The following MTHFD1L variants were observed in gnomAD, a reference collection of about 807,000 sequenced individuals.
MTHFD1L encodes the protein methylenetetrahydrofolate dehydrogenase (NADP+ dependent) 1 like, also known as monofunctional C1-tetrahydrofolate synthase, mitochondrial.
Under a neutral mutation model 119.5 loss-of-function variants are expected in MTHFD1L, and 81 were observed. That is an observed-to-expected ratio of 0.68 (90% CI 0.57 to 0.82). MTHFD1L has a LOEUF of 0.82. Among genes scored for constraint, MTHFD1L ranks in the 40% least tolerant of loss-of-function variants. The probability of loss-of-function intolerance (pLI) is 0.00; values close to 1 mark genes in which losing one functional copy is unlikely to be tolerated. For missense variants in MTHFD1L, 1,125 were observed against 1,253.4 expected (o/e 0.90, Z 1.55); for synonymous variants, 430 against 475.2 (o/e 0.90, Z 1.24).
chr6:150,910,247 A>C (rs1786637220), intron 8 of MTHFD1L, among the ~76,000 whole-genome samples: 1 of 151,892 alleles, frequency 6.6e-6, no homozygotes, highest in South Asian at 2.1e-4. Context: ...ACCTAACTCA[A>C]GGACAAGGGA....
rs140112064 is a variant in MTHFD1L, at chr6:150,944,548, C to T, written c.1503C>T (p.Ala501=). The T allele has an allele frequency of 9.2e-4, 1,480 of 1,614,060 alleles. 10 individuals carry two copies. In the African/African-American group the frequency reaches 0.017, roughly 18 times the overall value. ...AITAANNLLA[A]AIDTRILHEN... ...CCGCTGCCAATAACTTGCTGGCTGC[C>T]GCCATCGACACGAGGATTCTTCATG... The change falls in exon 14 of 28, where the codon GCC becomes GCT. Residue 501 remains alanine, a synonymous_variant. Transcript: ENST00000367321.
chr6:150,939,449 T>C, intron 13 of MTHFD1L: 1 of 152,392 alleles, frequency 6.6e-6, no homozygotes, highest in Non-Finnish European at 1.5e-5. Context: ...TGCCTGTAAC[T>C]AACCAGTGAC....
At chr6:150,878,447 TCA>T (rs1780835897) in intron 4 of MTHFD1L, among the ~76,000 whole-genome samples, 1 of 152,168 alleles carries the variant, frequency 6.6e-6, no homozygotes, top group African/African-American at 2.4e-5. Flanking sequence ...AGATGGGGTT[TCA>T]CCATTTTGGC....
At chr6:151,045,253 C>CA (rs1787817107) in intron 26 of MTHFD1L, among the ~76,000 whole-genome samples, 1 of 152,152 alleles carries the variant, frequency 6.6e-6, no homozygotes, top group Non-Finnish European at 1.5e-5. Context: ...CATTCACCCC[C>CA]CCGCCAAGCT....
intron 19 of MTHFD1L, 40 bp downstream of exon 19, chr6:150,965,077 T>C (rs1796994996): frequency 6.3e-7 from 1 of 1,577,140 alleles, no homozygotes; most frequent in Non-Finnish European, 8.7e-7. Flanking sequence ...TTGCATTAAC[T>C]GGATTGCCAC....
chr6:151,018,271 T>G (rs977928531), intron 24 of MTHFD1L, among the ~76,000 whole-genome samples: 2 of 152,196 alleles, frequency 1.3e-5, no homozygotes, highest in Non-Finnish European at 2.9e-5. Context: ...TCCTGTTCAG[T>G]GGCATAAATC....
intron 7 of MTHFD1L, among the ~76,000 whole-genome samples, chr6:150,891,455 T>TATTAAG (rs1262598004): frequency 1.3e-5 from 2 of 148,288 alleles, no homozygotes; most frequent in Non-Finnish European, 3.0e-5. Context: ...CTTATATATA[T>TATTAAG]ATAGAATCTT....
chr6:150,937,127 G>A (rs1228958516), intron 12 of MTHFD1L, among the ~76,000 whole-genome samples, 187 bp downstream of exon 12: 1 of 152,186 alleles, frequency 6.6e-6, no homozygotes. Flanking sequence ...AGCAGTGGGA[G>A]CCGCCAGGGC....
intron 24 of MTHFD1L, among the ~76,000 whole-genome samples, chr6:151,025,743 G>A (rs1244335978): frequency 2.6e-5 from 4 of 152,182 alleles, no homozygotes; most frequent in Non-Finnish European, 4.4e-5. Flanking sequence ...TGTGGCCCCC[G>A]ATGTATGCCA....
intron 11 of MTHFD1L, among the ~76,000 whole-genome samples, chr6:150,929,913 ATATG>A (rs1054917314): frequency 1.3e-5 from 2 of 152,178 alleles, no homozygotes; most frequent in Non-Finnish European, 2.9e-5. Context: ...AGATTATGAT[ATATG>A]TATGCATTTG....
At chr6:151,036,233 T>G (rs139853194) in intron 25 of MTHFD1L, among the ~76,000 whole-genome samples, 25 of 152,186 alleles carry the variant, frequency 1.6e-4, no homozygotes, top group African/African-American at 5.8e-4. Context: ...CTGGGCAACA[T>G]AGCAAAACCT....
chr6:150,988,423 A>C (rs1047130243), intron 20 of MTHFD1L, among the ~76,000 whole-genome samples: 12 of 152,226 alleles, frequency 7.9e-5, no homozygotes, highest in African/African-American at 2.9e-4. Context: ...GTTTTTAGCA[A>C]CGTTTGGTAT....
At chr6:151,075,303 G>A (rs903414982) in intron 26 of MTHFD1L, among the ~76,000 whole-genome samples, 1 of 152,096 alleles carries the variant, frequency 6.6e-6, no homozygotes, top group African/African-American at 2.4e-5. Context: ...AAGGTAAAAG[G>A]ATGGAAAAGC....
Position 150,989,739 on chromosome 6 carries a change from AAAC to A in MTHFD1L, c.2125+17687_2125+17689del, listed in dbSNP as rs991465215. Among the ~76,000 whole-genome samples the A allele has an allele frequency of 5.2e-4, 79 of 152,334 alleles. 1 individual carries two copies. Among genetic ancestry groups the A allele is most frequent in the African/African-American group, 1.9e-3 (77 of 41,580 alleles). On this transcript the variant is annotated intron_variant, in intron 20 of 27. Coordinates refer to ENST00000367321, the MANE Select transcript of MTHFD1L (RefSeq NM_015440.5). ...AAACTATAAAACTTTATTGAAAGAC[AAAC>A]AACAAGACCTGAATAAATGGTAAGA...
chr6:150,881,009 T>G (rs189106862), intron 4 of MTHFD1L, among the ~76,000 whole-genome samples: 1 of 152,338 alleles, frequency 6.6e-6, no homozygotes, highest in African/African-American at 2.4e-5. Flanking sequence ...GGACGCATAC[T>G]TTGCAAATAT....
intron 20 of MTHFD1L, among the ~76,000 whole-genome samples, chr6:150,978,355 T>C (rs1304038249): frequency 6.6e-6 from 1 of 152,204 alleles, no homozygotes; most frequent in East Asian, 1.9e-4. Flanking sequence ...GCATTTATTA[T>C]CCTTATCCAG....
At chr6:150,875,933 C>T (rs940513222) in intron 1 of MTHFD1L, 157 bp from the exon 2 acceptor site, 4 of 585,878 alleles carry the variant, frequency 6.8e-6, no homozygotes, top group African/African-American at 3.9e-5. Context: ...TTCATTGTTA[C>T]GCCGCCTACC....
At chr6:150,884,373 C>G (rs1362996829) in intron 5 of MTHFD1L, among the ~76,000 whole-genome samples, 1 of 151,984 alleles carries the variant, frequency 6.6e-6, no homozygotes, top group East Asian at 1.9e-4. Flanking sequence ...ATCTCCTGAC[C>G]TCGTGACCCG....
intron 5 of MTHFD1L, among the ~76,000 whole-genome samples, chr6:150,884,140 T>A (rs1317347934): frequency 7.2e-6 from 1 of 139,084 alleles, no homozygotes; most frequent in Non-Finnish European, 1.6e-5. Flanking sequence ...ACCTCATCTC[T>A]ATTTTTTTTT....
Sources: gnomAD v4.1 joint callset for allele counts (sites outside exome capture counted in the v4.1 genomes callset) on GRCh38, gnomAD v4.1.1 for gene constraint, MANE v1.5 for transcripts, NCBI Gene and HGNC (gene_info 2026-07-23, HGNC 2026-07-21) for gene names.